INPP4B: variants seen among roughly 807,000 people sequenced by gnomAD.
INPP4B encodes inositol polyphosphate 4-phosphatase type II.
In INPP4B, 55 loss-of-function variants were observed where a neutral mutation model predicts 122.5. The observed-to-expected ratio is 0.45, with a 90% confidence interval of 0.36 to 0.56. The LOEUF (loss-of-function observed/expected upper bound fraction) is 0.56, where lower values mean the gene tolerates loss of function less well. Among genes scored for constraint, INPP4B ranks in the 20% least tolerant of loss-of-function variants. The pLI is 0.00. For synonymous variants in INPP4B, 403 were observed against 388.7 expected (o/e 1.04, Z -0.43); for missense variants, 1,000 against 1,097.7 (o/e 0.91, Z 1.26).
At position 142,770,846 on chromosome 4, in the gene INPP4B, A is replaced by G. The variant is rs147190400; in HGVS notation, c.-253-44945T>C. On this transcript the variant is annotated intron_variant, in intron 1 of 25. Transcript: ENST00000262992. ...AAGGCTGTGATGTGCATAGAGAGCT[A>G]CAAGACAGGGCACAATTCTTAACAC... 1.4e-3 allele frequency among the ~76,000 whole-genome samples: 218 copies of G among 152,268 alleles called. 5 individuals are homozygous for G. In the East Asian group the frequency reaches 0.033, roughly 23 times the overall value.
chr4:142,277,525 A>G (rs189342725), intron 9 of INPP4B, among the ~76,000 whole-genome samples: 118 of 152,020 alleles, frequency 7.8e-4, no homozygotes, highest in African/African-American at 2.7e-3. Flanking sequence ...CAATCCCACT[A>G]CCAGGTATCT....
At chr4:142,550,534 GT>G (rs1428601131) in intron 2 of INPP4B, among the ~76,000 whole-genome samples, 2 of 150,412 alleles carry the variant, frequency 1.3e-5, no homozygotes, top group South Asian at 2.1e-4. Context: ...TTCTTTTCAA[GT>G]TTTTTCTCTC....
chr4:142,404,969 C>T (rs1223816854), intron 6 of INPP4B, among the ~76,000 whole-genome samples: 2 of 151,752 alleles, frequency 1.3e-5, no homozygotes, highest in African/African-American at 4.8e-5. Flanking sequence ...GTTATTTTGT[C>T]ATTTGTTCGT....
At chr4:142,564,380 G>A (rs1219372961) in intron 2 of INPP4B, among the ~76,000 whole-genome samples, 2 of 143,490 alleles carry the variant, frequency 1.4e-5, no homozygotes, top group African/African-American at 2.6e-5. Flanking sequence ...AAAATAGCAA[G>A]GCATAAGCAG....
At chr4:142,421,481 G>A (rs10519657) in intron 5 of INPP4B, among the ~76,000 whole-genome samples, 8,221 of 152,056 alleles carry the variant, frequency 0.054, 770 homozygotes, top group African/African-American at 0.19. Context: ...ATAATTTGGT[G>A]GCAATAAAGA....
At position 142,357,539 on chromosome 4, in the gene INPP4B, C is replaced by G. The variant is rs576402980; in HGVS notation, c.373-42777G>C. On this transcript the variant is annotated intron_variant, in intron 7 of 25. Transcript: ENST00000262992. ...AGGGATAAATTGGAGGGCAGACACTCAAACCTCCCTTTTCTCCTCAGACAA... is the reference window on the plus strand; with the variant it reads ...AGGGATAAATTGGAGGGCAGACACTGAAACCTCCCTTTTCTCCTCAGACAA... Among the ~76,000 whole-genome samples the G allele has an allele frequency of 7.9e-5, 12 of 152,090 alleles. No homozygotes were observed. The East Asian group carries it at 2.3e-3, about 30-fold the overall frequency.
chr4:142,485,269 T>C (rs147212933), intron 2 of INPP4B, among the ~76,000 whole-genome samples: 49 of 152,186 alleles, frequency 3.2e-4, no homozygotes, highest in African/African-American at 1.2e-3. Context: ...AACACTTCTT[T>C]GGAGTGAAAA....
intron 25 of INPP4B, among the ~76,000 whole-genome samples, chr4:142,043,381 T>C (rs777714801): frequency 4.6e-5 from 7 of 152,170 alleles, no homozygotes; most frequent in Non-Finnish European, 7.3e-5. Flanking sequence ...AGGAATAACT[T>C]CCAAGGTACA....
chr4:142,431,253 T>C lies in INPP4B; in HGVS notation c.7A>G (p.Ile3Val), dbSNP rs1809240756. Residue 3 changes from isoleucine to valine, a missense_variant, in exon 4 of 26, where the codon ATT becomes GTT. By Grantham distance (29) the Ile-to-Val change is conservative. Coordinates refer to ENST00000262992, the MANE Select transcript of INPP4B (RefSeq NM_001101669.3). The stretch of plus-strand genomic sequence containing the variant: ...TCTTCTGATGCCCCTTCCTCTTTAA[T>C]TTCCATGATCAACCTTCACAGTTTT... ME[I>V]KEEGASEEGQ... The C allele has an allele frequency of 3.1e-6, 5 of 1,612,834 alleles. No homozygotes were observed. The East Asian group carries it at 8.9e-5, about 29-fold the overall frequency.
chr4:142,328,500 T>C (rs892589030), intron 7 of INPP4B, among the ~76,000 whole-genome samples: 2 of 152,190 alleles, frequency 1.3e-5, no homozygotes, highest in African/African-American at 4.8e-5. Context: ...AGTGGAGTTT[T>C]CCATATGCTA....
chr4:142,258,429 G>C (rs1232635374), intron 11 of INPP4B, among the ~76,000 whole-genome samples: 1 of 152,048 alleles, frequency 6.6e-6, no homozygotes, highest in East Asian at 1.9e-4. Context: ...CTACAAAATG[G>C]GAGAAAATTT....
intron 2 of INPP4B, among the ~76,000 whole-genome samples, chr4:142,650,399 C>A (rs961570391): frequency 1.8e-4 from 28 of 152,100 alleles, no homozygotes; most frequent in African/African-American, 6.8e-4. Flanking sequence ...GTTAAATGCC[C>A]CAATTAAAAG....
intron 2 of INPP4B, among the ~76,000 whole-genome samples, chr4:142,633,752 T>C (rs1748494216): frequency 1.3e-5 from 2 of 151,536 alleles, no homozygotes; most frequent in Non-Finnish European, 2.9e-5. Flanking sequence ...ATCAAAAAGG[T>C]AAAATGACAC....
At chr4:142,093,308 C>T (rs1780383508) in intron 23 of INPP4B, among the ~76,000 whole-genome samples, 1 of 152,116 alleles carries the variant, frequency 6.6e-6, no homozygotes, top group African/African-American at 2.4e-5. Flanking sequence ...AGGTCATGGA[C>T]ATCATGGAGC....
chr4:142,769,546 G>A lies in INPP4B; in HGVS notation c.-253-43645C>T, dbSNP rs143048998. 5.4e-3 allele frequency among the ~76,000 whole-genome samples: 817 copies of A among 152,246 alleles called. 4 individuals are homozygous for A. The highest frequency in any genetic ancestry group is 8.2e-3 in the Non-Finnish European group (560 of 68,018). On this transcript the variant is annotated intron_variant, in intron 1 of 25. Coordinates refer to ENST00000262992, the MANE Select transcript of INPP4B (RefSeq NM_001101669.3). ...GTTTAATGATATGATGTGAATTAACGTTATGTCTGAAATTCCCCTATGGAT... is the reference window on the plus strand; with the variant it reads ...GTTTAATGATATGATGTGAATTAACATTATGTCTGAAATTCCCCTATGGAT...
At chr4:142,753,689 T>C (rs569109068) in intron 1 of INPP4B, among the ~76,000 whole-genome samples, 1 of 152,178 alleles carries the variant, frequency 6.6e-6, no homozygotes, top group African/African-American at 2.4e-5. Context: ...TCACCTATAG[T>C]AGAATATGCT....
chr4:142,145,367 T>C (rs1810136523), intron 18 of INPP4B, among the ~76,000 whole-genome samples: 1 of 152,116 alleles, frequency 6.6e-6, no homozygotes. Context: ...AATCAAATCT[T>C]CCCATATGTT....
At chr4:142,659,486 T>A (rs1014437430) in intron 2 of INPP4B, among the ~76,000 whole-genome samples, 1 of 152,126 alleles carries the variant, frequency 6.6e-6, no homozygotes, top group Non-Finnish European at 1.5e-5. Flanking sequence ...CTAAACTCAT[T>A]AGTTGTTTTT....
chr4:142,067,628 G>A (rs549030631), intron 25 of INPP4B, among the ~76,000 whole-genome samples: 3 of 152,294 alleles, frequency 2.0e-5, no homozygotes, highest in Admixed American at 1.3e-4. Context: ...GTGTAGAGAA[G>A]TCCTTAAATG....
Sources: allele counts gnomAD v4.1 joint callset (sites outside exome capture counted in the v4.1 genomes callset), GRCh38; gene constraint gnomAD v4.1.1; transcripts MANE v1.5; gene names NCBI Gene and HGNC (gene_info 2026-07-23, HGNC 2026-07-21).